EVA1A: variants seen among roughly 807,000 people sequenced by gnomAD.
EVA1A encodes the protein eva-1 homolog A, regulator of programmed cell death, also known as protein eva-1 homolog A.
A neutral mutation model predicts 9.8 loss-of-function variants in EVA1A; 7 were observed. That is an observed-to-expected ratio of 0.71 (90% confidence interval 0.41 to 1.34). EVA1A has a LOEUF of 1.34. Ranked by LOEUF, EVA1A falls within the 40% of genes most tolerant of loss-of-function variation. EVA1A has a pLI of 0.01. For synonymous variants in EVA1A, 90 were observed against 85.6 expected (o/e 1.05, Z -0.28); for missense variants, 206 against 205.9 (o/e 1.00, Z 0.00).
intron 2 of EVA1A, among the ~76,000 whole-genome samples, chr2:75,521,563 G>A (rs375023269): frequency 6.6e-6 from 1 of 152,236 alleles, no homozygotes; most frequent in Admixed American, 6.5e-5. Context: ...AGTGAAATAA[G>A]CCAGTCAAAA....
intron 1 of EVA1A, among the ~76,000 whole-genome samples, chr2:75,544,388 G>A (rs1449176449): frequency 6.6e-6 from 1 of 152,122 alleles, no homozygotes; most frequent in Non-Finnish European, 1.5e-5. Context: ...AGTATTACCA[G>A]TAGCATTATT....
rs1457058152 is a variant in EVA1A at position 75,493,557 on chromosome 2, C to T, written c.138G>A (p.Leu46=). 1 of 1,613,800 alleles carries T rather than the reference C, an allele frequency of 6.2e-7. No individual in the cohort carries two copies. The highest frequency in any genetic ancestry group is 1.3e-5 in the African/African-American group (1 of 75,036). Residue 46 remains leucine (L), a synonymous_variant, in exon 4 of 4, where the codon CTG becomes CTA. Coordinates refer to ENST00000393913, the MANE Select transcript of EVA1A (RefSeq NM_001135032.2). ...TCACCAGAGCAGCCAGGGTCAGCAC[C>T]AGCCCGATGCACACGCCAGAAACAA... ...LYFVSGVCIG[L]VLTLAALVIR...
intron 1 of EVA1A, among the ~76,000 whole-genome samples, chr2:75,534,767 C>T (rs561974443): frequency 6.6e-6 from 1 of 152,120 alleles, no homozygotes; most frequent in African/African-American, 2.4e-5. Context: ...TAATTGGATT[C>T]CATTTATTTC....
chr2:75,531,258 G>A (rs1451939191), intron 1 of EVA1A, among the ~76,000 whole-genome samples: 1 of 152,150 alleles, frequency 6.6e-6, no homozygotes. Context: ...ACTAATAGAT[G>A]TTGGCATGGA....
intron 1 of EVA1A, among the ~76,000 whole-genome samples, chr2:75,523,113 G>C (rs1572964393): frequency 6.6e-6 from 1 of 152,200 alleles, no homozygotes; most frequent in Non-Finnish European, 1.5e-5. Flanking sequence ...CACTTCACGT[G>C]TGCACACTCA....
chr2:75,554,813 G>T (rs1460068749), intron 1 of EVA1A, among the ~76,000 whole-genome samples: 1 of 152,214 alleles, frequency 6.6e-6, no homozygotes, highest in African/African-American at 2.4e-5. Context: ...GTCCCCAGAA[G>T]AGAGGATTCT....
chr2:75,500,315 CT>C (rs1674368593), intron 3 of EVA1A, among the ~76,000 whole-genome samples: 2 of 152,180 alleles, frequency 1.3e-5, no homozygotes, highest in African/African-American at 4.8e-5. Flanking sequence ...ACGGATCACT[CT>C]GATTTTTGGC....
intron 1 of EVA1A, among the ~76,000 whole-genome samples, chr2:75,553,023 T>C (rs1156319441): frequency 6.6e-6 from 1 of 152,186 alleles, no homozygotes; most frequent in Non-Finnish European, 1.5e-5. Flanking sequence ...CTCTAACAAA[T>C]CCAGATGTGA....
chr2:75,549,621 G>A (rs1430898837), intron 1 of EVA1A, among the ~76,000 whole-genome samples: 9 of 152,130 alleles, frequency 5.9e-5, no homozygotes, highest in African/African-American at 1.9e-4. Context: ...TGTCCTCCAG[G>A]GAACCTTCAA....
At chr2:75,519,314 C>G (rs1195803205) in intron 2 of EVA1A, among the ~76,000 whole-genome samples, 1 of 152,092 alleles carries the variant, frequency 6.6e-6, no homozygotes, top group Non-Finnish European at 1.5e-5. Flanking sequence ...GGAGAATGAA[C>G]CTGGGATCTC....
At chr2:75,569,425 C>T (rs1029016599) in intron 1 of EVA1A, 1 of 152,648 alleles carries the variant, frequency 6.6e-6, no homozygotes, top group African/African-American at 2.4e-5. Context: ...TTCTTCACAC[C>T]CCCTCCTCCT....
intron 1 of EVA1A, among the ~76,000 whole-genome samples, chr2:75,537,553 A>G (rs1675957982): frequency 6.6e-6 from 1 of 152,218 alleles, no homozygotes; most frequent in Non-Finnish European, 1.5e-5. Context: ...TATGGCTGTC[A>G]ATAGAGATCC....
intron 2 of EVA1A, among the ~76,000 whole-genome samples, chr2:75,519,471 A>G (rs1675157616): frequency 6.6e-6 from 1 of 152,176 alleles, no homozygotes; most frequent in Admixed American, 6.5e-5. Flanking sequence ...ACAAGAAAAC[A>G]CCAACCAACT....
chr2:75,555,338 C>CTCTCTCTCTCTCTCTCTCTCT (rs1553421964), intron 1 of EVA1A, among the ~76,000 whole-genome samples: 2 of 40,166 alleles, frequency 5.0e-5, no homozygotes, highest in African/African-American at 1.5e-4. Context: ...TCTCTCTCTC[C>CTCTCTCTCTCTCTCTCTCTCT]CCCATCTCCC....
intron 2 of EVA1A, chr2:75,518,845 G>T (rs749573759): frequency 1.1e-4 from 112 of 985,330 alleles, no homozygotes; most frequent in Non-Finnish European, 1.1e-4. Context: ...CTAAATGTGT[G>T]CCTTTGGCAG....
intron 1 of EVA1A, among the ~76,000 whole-genome samples, chr2:75,555,130 C>T (rs115011619): frequency 0.029 from 4,399 of 152,158 alleles, 99 homozygotes; most frequent in Non-Finnish European, 0.044. Context: ...GCATATGCAC[C>T]CATCCTCTGT....
Position 75,548,451 on chromosome 2 carries a change from G to C in EVA1A, c.-192+12229C>G, listed in dbSNP as rs564174265. On this transcript the variant is annotated intron_variant, in intron 1 of 3. Transcript: ENST00000393913. Reference sequence around the variant, plus strand: ...TGCCTGGCCTCCTTGCTCATTTCTTGCCACTCCCCTATGTCCCACTCTTGC... The same window carrying C: ...TGCCTGGCCTCCTTGCTCATTTCTTCCCACTCCCCTATGTCCCACTCTTGC... Among the ~76,000 whole-genome samples, 11 of 152,152 alleles carry C rather than the reference G, an allele frequency of 7.2e-5. No homozygotes were observed. The South Asian group carries it at 2.3e-3, about 32-fold the overall frequency.
At chr2:75,551,657 C>T (rs1676528580) in intron 1 of EVA1A, among the ~76,000 whole-genome samples, 1 of 152,166 alleles carries the variant, frequency 6.6e-6, no homozygotes, top group Non-Finnish European at 1.5e-5. Flanking sequence ...AGCTGTGTGA[C>T]CTTGGGCAAA....
At chr2:75,526,683 G>A (rs767044180) in intron 1 of EVA1A, among the ~76,000 whole-genome samples, 18 of 152,316 alleles carry the variant, frequency 1.2e-4, no homozygotes, top group Admixed American at 4.6e-4. Context: ...TAAAGTACAC[G>A]ACACATCTTT....
Sources: gnomAD v4.1 joint callset for allele counts (sites outside exome capture counted in the v4.1 genomes callset) on GRCh38, gnomAD v4.1.1 for gene constraint, MANE v1.5 for transcripts, NCBI Gene and HGNC (gene_info 2026-07-23, HGNC 2026-07-21) for gene names.